Variants in PLXDC2 observed in about 807,000 individuals in gnomAD.
PLXDC2 encodes the protein plexin domain containing 2, also known as plexin domain-containing protein 2.
A neutral mutation model predicts 68.9 loss-of-function variants in PLXDC2; 40 were observed. That is an observed-to-expected ratio of 0.58 (90% CI 0.45 to 0.76). The LOEUF (loss-of-function observed/expected upper bound fraction) is 0.76. PLXDC2 is among the 30% of genes least tolerant of loss of function. PLXDC2 has a pLI of 0.00. For synonymous variants in PLXDC2, 243 were observed against 234.2 expected, an observed-to-expected ratio of 1.04 and a Z score of -0.34; for missense variants, 644 against 661.9, an observed-to-expected ratio of 0.97 and a Z score of 0.30.
intron 1 of PLXDC2, among the ~76,000 whole-genome samples, chr10:19,979,377 A>G (rs1252731564): frequency 6.8e-6 from 1 of 147,292 alleles, no homozygotes; most frequent in Non-Finnish European, 1.5e-5. Context: ...AGATAGATAG[A>G]TAGATTTTTT....
At chr10:20,238,887 C>T (rs74119560) in intron 12 of PLXDC2, among the ~76,000 whole-genome samples, 34,242 of 150,536 alleles carry the variant, frequency 0.23, 3,908 homozygotes, top group East Asian at 0.25. Flanking sequence ...TGTTGAAAAG[C>T]AATGACACTC....
intron 1 of PLXDC2, among the ~76,000 whole-genome samples, chr10:19,848,513 C>T (rs1447121558): frequency 6.6e-6 from 1 of 152,156 alleles, no homozygotes; most frequent in African/African-American, 2.4e-5. Context: ...AAACCTCTTC[C>T]ATGCGAATAC....
intron 3 of PLXDC2, 116 bp from the exon 4 acceptor site, chr10:20,068,054 A>G (rs1424365761): frequency 1.2e-5 from 10 of 830,378 alleles, no homozygotes; most frequent in African/African-American, 1.7e-5. Flanking sequence ...AAAGAGAACT[A>G]CAATAATTAT....
chr10:20,237,057 T>C (rs962526060), intron 12 of PLXDC2, among the ~76,000 whole-genome samples: 2 of 152,058 alleles, frequency 1.3e-5, no homozygotes, highest in African/African-American at 4.8e-5. Context: ...GAACATTTTA[T>C]ATATTTCCCT....
At chr10:20,178,549 T>C (rs968132648) in intron 9 of PLXDC2, among the ~76,000 whole-genome samples, 1 of 152,120 alleles carries the variant, frequency 6.6e-6, no homozygotes, top group East Asian at 1.9e-4. Context: ...CGAATATTCA[T>C]GCTGTTAATC....
At chr10:19,837,407 A>AGT (rs1192315538) in intron 1 of PLXDC2, among the ~76,000 whole-genome samples, 61 of 87,614 alleles carry the variant, frequency 7.0e-4, no homozygotes, top group Middle Eastern at 5.7e-3. Flanking sequence ...AGAGAGAGAG[A>AGT]GAGTGTGTGT....
At chr10:20,142,968 A>C (rs556975003) in intron 4 of PLXDC2, among the ~76,000 whole-genome samples, 176 of 152,208 alleles carry the variant, frequency 1.2e-3, no homozygotes, top group African/African-American at 4.0e-3. Flanking sequence ...ATAATAGCAA[A>C]TTGAATATTT....
chr10:20,207,907 T>A lies in PLXDC2; in HGVS notation c.1062-3762T>A, dbSNP rs185767875. Among the ~76,000 whole-genome samples the A allele has an allele frequency of 3.0e-4, 45 of 152,232 alleles. 1 individual carries two copies. Among genetic ancestry groups the A allele is most frequent in the Middle Eastern group, 3.4e-3 (1 of 294 alleles). ...TGTTGACAGGAGGGTTGTTTTCACA[T>A]TCCACTTGAATTAAATTATACTTGT... On this transcript the variant is annotated intron_variant, in intron 9 of 13. Coordinates refer to ENST00000377252, the MANE Select transcript of PLXDC2 (RefSeq NM_032812.9).
At chr10:19,844,232 G>T (rs2131320437) in intron 1 of PLXDC2, among the ~76,000 whole-genome samples, 1 of 152,272 alleles carries the variant, frequency 6.6e-6, no homozygotes, top group African/African-American at 2.4e-5. Context: ...TGAAAAATTA[G>T]TCGGATTTTT....
At chr10:20,027,957 T>C (rs1359708236) in intron 2 of PLXDC2, among the ~76,000 whole-genome samples, 3 of 152,210 alleles carry the variant, frequency 2.0e-5, no homozygotes, top group Admixed American at 2.0e-4. Flanking sequence ...CCCTACACTT[T>C]TCTGGAACAT....
At chr10:20,117,560 C>T (rs1035720104) in intron 4 of PLXDC2, among the ~76,000 whole-genome samples, 1 of 152,118 alleles carries the variant, frequency 6.6e-6, no homozygotes. Context: ...GAGCCATCCA[C>T]ACAGGGATAA....
intron 13 of PLXDC2, among the ~76,000 whole-genome samples, chr10:20,252,971 C>T (rs1043942332): frequency 3.2e-4 from 37 of 114,432 alleles, no homozygotes; most frequent in African/African-American, 9.9e-4. Flanking sequence ...CATCATTATC[C>T]TTATTTTATC....
chr10:20,150,103 C>A (rs1179619555), intron 6 of PLXDC2, among the ~76,000 whole-genome samples: 1 of 152,140 alleles, frequency 6.6e-6, no homozygotes, highest in African/African-American at 2.4e-5. Flanking sequence ...ATTGACACAT[C>A]AATGTCACTC....
intron 12 of PLXDC2, among the ~76,000 whole-genome samples, chr10:20,234,653 G>GGGTTTCT (rs1229442624): frequency 6.7e-6 from 1 of 148,220 alleles, no homozygotes; most frequent in African/African-American, 2.5e-5. Flanking sequence ...TTTGTTTTCA[G>GGGTTTCT]GGTTTCTTTC....
chr10:20,020,178 A>ATTTTTTTT (rs71388889), intron 2 of PLXDC2, among the ~76,000 whole-genome samples: 1,914 of 107,158 alleles, frequency 0.018, 93 homozygotes, highest in African/African-American at 0.064. Flanking sequence ...CACCCAGCAA[A>ATTTTTTTT]TTTTTTTTTT....
chr10:19,837,426 G>C (rs1346095178), intron 1 of PLXDC2, among the ~76,000 whole-genome samples: 1 of 151,578 alleles, frequency 6.6e-6, no homozygotes, highest in Non-Finnish European at 1.5e-5. Flanking sequence ...GTGTGTGTGT[G>C]TGTGTGTGTG....
chr10:20,156,896 C>T (rs1834224454), intron 6 of PLXDC2, among the ~76,000 whole-genome samples: 1 of 152,138 alleles, frequency 6.6e-6, no homozygotes, highest in African/African-American at 2.4e-5. Flanking sequence ...ACAGACAACT[C>T]ACCATTAATA....
At chr10:20,216,117 A>AT (rs1477441169) in intron 10 of PLXDC2, among the ~76,000 whole-genome samples, 30 of 151,800 alleles carry the variant, frequency 2.0e-4, no homozygotes, top group East Asian at 5.8e-4. Flanking sequence ...TAAAAAAAAA[A>AT]AAAAATAAAA....
intron 2 of PLXDC2, among the ~76,000 whole-genome samples, chr10:20,030,025 T>C (rs1040618641): frequency 6.6e-6 from 1 of 152,164 alleles, no homozygotes; most frequent in African/African-American, 2.4e-5. Context: ...CTGCTAAAAG[T>C]TCCTCTATGC....
Sources: allele counts gnomAD v4.1 joint callset (sites outside exome capture counted in the v4.1 genomes callset), GRCh38; gene constraint gnomAD v4.1.1; transcripts MANE v1.5; gene names NCBI Gene and HGNC (gene_info 2026-07-23, HGNC 2026-07-21).